The following RBMS3 variants were observed in gnomAD, a reference collection of about 807,000 sequenced individuals.
The protein encoded by RBMS3 is RNA binding motif single stranded interacting protein 3.
A neutral mutation model predicts 66.8 loss-of-function variants in RBMS3; 27 were observed. The observed-to-expected ratio is 0.40, with a 90% confidence interval of 0.30 to 0.56. The LOEUF (loss-of-function observed/expected upper bound fraction) is 0.56. Among genes scored for constraint, RBMS3 ranks in the 20% least tolerant of loss-of-function variants. The probability of loss-of-function intolerance (pLI) is 0.40; values close to 1 mark genes in which losing one functional copy is unlikely to be tolerated. For missense variants in RBMS3, 513 were observed against 549.5 expected (o/e 0.93, Z 0.66); for synonymous variants, 188 against 183.0 (o/e 1.03, Z -0.22).
chr3:29,434,711 G>C, intron 1 of RBMS3, 32 bp from the exon 2 acceptor site: 2 of 1,596,144 alleles, frequency 1.3e-6, no homozygotes, highest in Non-Finnish European at 1.7e-6. Context: ...GCTGGCTTTT[G>C]TTTTTCCAGT....
intron 4 of RBMS3, among the ~76,000 whole-genome samples, chr3:29,650,680 C>T (rs953761761): frequency 3.7e-4 from 57 of 152,198 alleles, no homozygotes; most frequent in African/African-American, 6.7e-4. Context: ...AGGTACTTGC[C>T]CGGTTGACAA....
chr3:29,785,313 C>A (rs1175848210), intron 6 of RBMS3, among the ~76,000 whole-genome samples: 1 of 152,032 alleles, frequency 6.6e-6, no homozygotes, highest in Non-Finnish European at 1.5e-5. Flanking sequence ...AAAAGATAAT[C>A]CACCATTATC....
intron 3 of RBMS3, among the ~76,000 whole-genome samples, chr3:29,510,667 T>C (rs2044362955): frequency 6.6e-6 from 1 of 152,180 alleles, no homozygotes; most frequent in South Asian, 2.1e-4. Flanking sequence ...TCTTGGAGCA[T>C]GAATTTTGAG....
chr3:29,612,066 T>C (rs1192271735), intron 4 of RBMS3, among the ~76,000 whole-genome samples: 1 of 151,984 alleles, frequency 6.6e-6, no homozygotes, highest in Non-Finnish European at 1.5e-5. Context: ...ATGAAGAAAA[T>C]TATAATATCT....
intron 6 of RBMS3, among the ~76,000 whole-genome samples, chr3:29,786,526 C>G (rs1031678598): frequency 6.6e-6 from 1 of 151,916 alleles, no homozygotes; most frequent in Admixed American, 6.6e-5. Flanking sequence ...AATGGAGAAC[C>G]CAGAAATAAG....
At position 29,425,206 on chromosome 3, in the gene RBMS3, CCA is replaced by C. The variant is rs1559350677; in HGVS notation, c.76-9536_76-9535del. On this transcript the variant is annotated intron_variant, in intron 1 of 14. Transcript: ENST00000383767. ...AAAAATACCAAAAAAAAAAAACCCC[CCA>C]AAAAAAACAAAAAAAAAAAAACAGG... Among the ~76,000 whole-genome samples the C allele has an allele frequency of 2.6e-4, 31 of 119,852 alleles. No homozygotes were observed. In the East Asian group the frequency reaches 2.6e-3, roughly 10 times the overall value. 78.6% of individuals were successfully genotyped at this position (119,852 alleles called of 152,430 possible).
intron 6 of RBMS3, among the ~76,000 whole-genome samples, chr3:29,868,155 G>A (rs1020475026): frequency 1.3e-5 from 2 of 152,076 alleles, no homozygotes; most frequent in South Asian, 4.1e-4. Context: ...CATCAGTTTT[G>A]GTCACTTTCT....
intron 3 of RBMS3, among the ~76,000 whole-genome samples, chr3:29,517,271 ATGTGTGTGTGTGTGTG>A (rs58702096): frequency 5.4e-5 from 7 of 129,642 alleles, no homozygotes; most frequent in South Asian, 2.7e-4. Flanking sequence ...GATTTCATAT[ATGTGTGTGTGTGTGTG>A]TGTGTGTGTG....
intron 4 of RBMS3, among the ~76,000 whole-genome samples, chr3:29,739,238 A>G (rs1198493476): frequency 5.3e-5 from 8 of 152,106 alleles, no homozygotes; most frequent in Non-Finnish European, 7.4e-5. Flanking sequence ...CGGATCACTA[A>G]GTCAGGAGGA....
chr3:29,698,381 AT>A (rs539924372), intron 4 of RBMS3: 52 of 958,942 alleles, frequency 5.4e-5, no homozygotes, highest in African/African-American at 1.8e-4. Context: ...TGTAAACCAG[AT>A]TTTTTTTTTC....
intron 2 of RBMS3, among the ~76,000 whole-genome samples, chr3:29,465,600 C>T (rs900456842): frequency 1.7e-4 from 26 of 150,334 alleles, no homozygotes; most frequent in Non-Finnish European, 3.1e-4. Flanking sequence ...TCTTTCAGAA[C>T]GCGTACTTTG....
chr3:29,783,080 C>T (rs375490613), intron 6 of RBMS3, among the ~76,000 whole-genome samples: 12 of 152,056 alleles, frequency 7.9e-5, no homozygotes, highest in South Asian at 4.2e-4. Context: ...GAATAATTGG[C>T]GTTCCTGAGG....
chr3:29,537,813 A>T (rs1385014636), intron 3 of RBMS3: 2 of 137,636 alleles, frequency 1.5e-5, no homozygotes, highest in Non-Finnish European at 3.1e-5. Flanking sequence ...AAAGAGCGAG[A>T]CTCCACCTCA....
At chr3:29,448,828 A>G (rs1324171914) in intron 2 of RBMS3, among the ~76,000 whole-genome samples, 3 of 152,226 alleles carry the variant, frequency 2.0e-5, no homozygotes, top group Admixed American at 6.5e-5. Flanking sequence ...TTCTTTTGCA[A>G]CTAACAGAAC....
chr3:29,470,140 T>C (rs1575914393), intron 2 of RBMS3, among the ~76,000 whole-genome samples: 1 of 151,502 alleles, frequency 6.6e-6, no homozygotes, highest in African/African-American at 2.4e-5. Context: ...TGTATATAAA[T>C]AAACTAAAAT....
intron 3 of RBMS3, among the ~76,000 whole-genome samples, chr3:29,523,324 T>C (rs560617786): frequency 1.2e-3 from 188 of 152,338 alleles, no homozygotes; most frequent in Middle Eastern, 3.4e-3. Context: ...TTTAATATTA[T>C]GTTGTAGTTG....
chr3:29,916,810 A>T (rs1337982239), intron 10 of RBMS3, among the ~76,000 whole-genome samples: 1 of 152,066 alleles, frequency 6.6e-6, no homozygotes, highest in African/African-American at 2.4e-5. Context: ...AATTTTATTA[A>T]TCTCAAGGTA....
At chr3:29,699,185 C>G (rs1310487016) in intron 4 of RBMS3, among the ~76,000 whole-genome samples, 3 of 152,166 alleles carry the variant, frequency 2.0e-5, no homozygotes, top group African/African-American at 4.8e-5. Context: ...AAGTACCACT[C>G]TGTTGCCCAA....
In RBMS3 at chr3:29,868,880, C is replaced by T; in HGVS notation, c.660C>T (p.Cys220=). The change falls in exon 7 of 15, where the codon TGC becomes TGT. Residue 220 remains cysteine, a synonymous_variant. Coordinates refer to ENST00000383767, the MANE Select transcript of RBMS3 (RefSeq NM_001003793.3). ...CAGCCCCCAGTGAGCCTTTGCTGTGCAAATTCGCTGATGGAGGACAAAAGA... is the reference window on the plus strand; with the variant it reads ...CAGCCCCCAGTGAGCCTTTGCTGTGTAAATTCGCTGATGGAGGACAAAAGA... The part of the protein sequence containing the change: ...GIPAPSEPLL[C]KFADGGQKKR... The T allele has an allele frequency of 6.2e-7, 1 of 1,601,158 alleles. No homozygotes were observed. The highest frequency in any genetic ancestry group is 1.1e-5 in the South Asian group (1 of 88,632).
Sources: gnomAD v4.1 joint callset for allele counts (sites outside exome capture counted in the v4.1 genomes callset) on GRCh38, gnomAD v4.1.1 for gene constraint, MANE v1.5 for transcripts, NCBI Gene and HGNC (gene_info 2026-07-23, HGNC 2026-07-21) for gene names.